The following GPM6A variants were observed in gnomAD, a reference collection of about 807,000 sequenced individuals.
The protein encoded by GPM6A is neuronal membrane glycoprotein M6-a.
Under a neutral mutation model 32.1 loss-of-function variants are expected in GPM6A, and 7 were observed. The observed-to-expected ratio is 0.22, with a 90% CI of 0.12 to 0.41. The LOEUF is 0.41. Among genes scored for constraint, GPM6A ranks in the 10% least tolerant of loss-of-function variants. The pLI, the probability that GPM6A is intolerant of heterozygous loss-of-function variation, is 1.00. For missense variants in GPM6A, 235 were observed against 347.2 expected (o/e 0.68, Z 2.57); for synonymous variants, 130 against 123.4 (o/e 1.05, Z -0.35).
intron 1 of GPM6A, among the ~76,000 whole-genome samples, chr4:175,986,000 T>A (rs1740962383): frequency 6.6e-6 from 1 of 152,042 alleles, no homozygotes; most frequent in Admixed American, 6.6e-5. Context: ...GAGATAGGGT[T>A]TCACCATGTT....
At chr4:175,835,466 A>C (rs947019369) in intron 1 of GPM6A, among the ~76,000 whole-genome samples, 4 of 151,878 alleles carry the variant, frequency 2.6e-5, no homozygotes, top group Non-Finnish European at 5.9e-5. Context: ...TGAACCAGAA[A>C]ATCTGGAGGA....
At chr4:175,671,661 C>G (rs1743078425) in intron 3 of GPM6A, among the ~76,000 whole-genome samples, 1 of 152,070 alleles carries the variant, frequency 6.6e-6, no homozygotes, top group African/African-American at 2.4e-5. Flanking sequence ...AGGCAGGGTT[C>G]TGCAGCGCTG....
intron 1 of GPM6A, among the ~76,000 whole-genome samples, chr4:175,726,822 C>A (rs2111130256): frequency 6.6e-6 from 1 of 152,216 alleles, no homozygotes; most frequent in South Asian, 2.1e-4. Context: ...ATGGTGAAAC[C>A]CCGTCTCTAC....
chr4:175,916,640 G>A (rs546248652), intron 1 of GPM6A, among the ~76,000 whole-genome samples: 10 of 152,216 alleles, frequency 6.6e-5, no homozygotes, highest in African/African-American at 2.2e-4. Context: ...CCAGGAGGCT[G>A]GCCTGAAGAG....
chr4:175,888,389 T>C (rs1203719409), intron 1 of GPM6A, among the ~76,000 whole-genome samples: 1 of 151,982 alleles, frequency 6.6e-6, no homozygotes, highest in Non-Finnish European at 1.5e-5. Context: ...TTCCTTTTAA[T>C]TCAGGAATAA....
chr4:175,945,736 G>A (rs6825287), intron 1 of GPM6A, among the ~76,000 whole-genome samples: 6,128 of 13,356 alleles, frequency 0.46, 925 homozygotes, highest in Middle Eastern at 0.65. Flanking sequence ...TAATACGGGT[G>A]CATATTACTT....
intron 1 of GPM6A, among the ~76,000 whole-genome samples, chr4:175,822,894 C>G (rs1462172718): frequency 6.6e-6 from 1 of 152,064 alleles, no homozygotes; most frequent in Admixed American, 6.6e-5. Flanking sequence ...GTTCTCATCT[C>G]TTTACATGCT....
intron 1 of GPM6A, among the ~76,000 whole-genome samples, chr4:175,915,545 G>A (rs1315635292): frequency 1.3e-5 from 2 of 152,036 alleles, no homozygotes; most frequent in African/African-American, 2.4e-5. Context: ...ACCTCAAGGT[G>A]ATCTGCTCCT....
chr4:175,896,854 T>C (rs977501758), intron 1 of GPM6A, among the ~76,000 whole-genome samples: 1 of 152,212 alleles, frequency 6.6e-6, no homozygotes, highest in Non-Finnish European at 1.5e-5. Flanking sequence ...ACAGGACTTT[T>C]GGTTCATTTG....
intron 1 of GPM6A, among the ~76,000 whole-genome samples, chr4:175,931,969 G>A (rs1051044220): frequency 6.6e-6 from 1 of 151,702 alleles, no homozygotes. Flanking sequence ...GTGCATGCCT[G>A]TAGTCCTAGC....
At chr4:175,682,716 G>T (rs1022233845) in intron 2 of GPM6A, among the ~76,000 whole-genome samples, 1 of 152,174 alleles carries the variant, frequency 6.6e-6, no homozygotes, top group African/African-American at 2.4e-5. Context: ...GCTTCAGAGG[G>T]TGCAAGCCAT....
intron 1 of GPM6A, among the ~76,000 whole-genome samples, chr4:175,942,649 C>T (rs552184824): frequency 2.0e-5 from 3 of 152,210 alleles, no homozygotes; most frequent in African/African-American, 7.2e-5. Flanking sequence ...CTCCCCATTG[C>T]TTGTTTTTTG....
At chr4:175,923,936 G>A (rs1738751009) in intron 1 of GPM6A, among the ~76,000 whole-genome samples, 1 of 152,168 alleles carries the variant, frequency 6.6e-6, no homozygotes, top group Non-Finnish European at 1.5e-5. Flanking sequence ...AGCATGAAGA[G>A]TAAAAATGGT....
chr4:175,858,287 T>C (rs924479878), intron 1 of GPM6A, among the ~76,000 whole-genome samples: 1 of 152,174 alleles, frequency 6.6e-6, no homozygotes, highest in African/African-American at 2.4e-5. Flanking sequence ...ATCCCAGCAC[T>C]TTGAGAGGCC....
intron 4 of GPM6A, chr4:175,641,640 A>T (rs1741151155): frequency 6.6e-6 from 1 of 152,152 alleles, no homozygotes; most frequent in African/African-American, 2.4e-5. Context: ...CTAAGATTTT[A>T]GCATTTTCTG....
At chr4:175,765,759 G>T (rs1732938588) in intron 1 of GPM6A, among the ~76,000 whole-genome samples, 1 of 152,102 alleles carries the variant, frequency 6.6e-6, no homozygotes, top group Non-Finnish European at 1.5e-5. Context: ...TCTGATCTCA[G>T]ACTTGCTCCC....
chr4:175,995,101 C>T (rs1374072019), intron 1 of GPM6A, among the ~76,000 whole-genome samples: 2 of 152,172 alleles, frequency 1.3e-5, no homozygotes, highest in Non-Finnish European at 2.9e-5. Flanking sequence ...GCAGTTACTT[C>T]CTCCACTGAA....
intron 1 of GPM6A, among the ~76,000 whole-genome samples, chr4:175,721,148 A>AATATATATATATATATATATAT (rs3032644): frequency 1.8e-3 from 240 of 135,142 alleles, no homozygotes; most frequent in Middle Eastern, 4.0e-3. Flanking sequence ...TATATATTCT[A>AATATATATATATATATATATAT]ATATATATAT....
chr4:175,932,067 C>A (rs1463806936), intron 1 of GPM6A, among the ~76,000 whole-genome samples: 3 of 149,464 alleles, frequency 2.0e-5, no homozygotes, highest in African/African-American at 7.4e-5. Context: ...TGCACTCCAG[C>A]CTGCGAGCCA....
Sources: allele counts gnomAD v4.1 joint callset (sites outside exome capture counted in the v4.1 genomes callset), GRCh38; gene constraint gnomAD v4.1.1; transcripts MANE v1.5; gene names NCBI Gene and HGNC (gene_info 2026-07-23, HGNC 2026-07-21).